SLC17A6: variants seen among roughly 807,000 people sequenced by gnomAD.
SLC17A6 encodes solute carrier family 17 member 6.
A neutral mutation model predicts 67.1 loss-of-function variants in SLC17A6; 35 were observed. That is an observed-to-expected ratio of 0.52 (90% CI 0.40 to 0.69). The LOEUF (loss-of-function observed/expected upper bound fraction) is 0.69, where lower values mean the gene tolerates loss of function less well. Ranked by LOEUF, SLC17A6 falls within the 30% of genes least tolerant of loss-of-function variation. The pLI is 0.00. For synonymous variants in SLC17A6, 285 were observed against 252.3 expected (o/e 1.13, Z -1.23); for missense variants, 588 against 723.9 (o/e 0.81, Z 2.15).
intron 3 of SLC17A6, among the ~76,000 whole-genome samples, chr11:22,351,332 T>A (rs1170329803): frequency 6.6e-6 from 1 of 152,084 alleles, no homozygotes; most frequent in Non-Finnish European, 1.5e-5. Context: ...AGGGTACCCA[T>A]CACCTAAATA....
rs114434838 is a variant in SLC17A6, at chr11:22,353,670, T to G, written c.459-5743T>G. On this transcript the variant is annotated intron_variant, in intron 3 of 11. Transcript: ENST00000263160. ...CAGAGAACTTCATTTTCATTTTTGA[T>G]CTAACAATCTAATATCCATTTGTGT... Among the ~76,000 whole-genome samples, 856 of 152,338 alleles carry G rather than the reference T, an allele frequency of 5.6e-3. 12 individuals are homozygous for G. Among genetic ancestry groups the G allele is most frequent in the African/African-American group, 0.02 (822 of 41,586 alleles).
intron 7 of SLC17A6, among the ~76,000 whole-genome samples, 193 bp from the exon 8 acceptor site, chr11:22,369,842 CTTAT>C (rs1047085925): frequency 6.6e-6 from 1 of 151,922 alleles, no homozygotes; most frequent in African/African-American, 2.4e-5. Flanking sequence ...TGATTGAGAT[CTTAT>C]TTTTTTTCTC....
intron 8 of SLC17A6, among the ~76,000 whole-genome samples, chr11:22,371,374 T>C (rs1856173118): frequency 6.6e-6 from 1 of 152,074 alleles, no homozygotes; most frequent in Non-Finnish European, 1.5e-5. Context: ...GTAGCTATTC[T>C]AAGAGCTCTT....
intron 3 of SLC17A6, among the ~76,000 whole-genome samples, chr11:22,356,693 A>G (rs1271634993): frequency 6.6e-6 from 1 of 152,160 alleles, no homozygotes; most frequent in Non-Finnish European, 1.5e-5. Flanking sequence ...AAAATTAGCC[A>G]GGCATGTTGG....
At chr11:22,357,042 T>C (rs1855999277) in intron 3 of SLC17A6, among the ~76,000 whole-genome samples, 1 of 152,238 alleles carries the variant, frequency 6.6e-6, no homozygotes, top group South Asian at 2.1e-4. Flanking sequence ...ACTAACTACC[T>C]AGTATATGCA....
chr11:22,371,326 A>G (rs1170488724), intron 8 of SLC17A6, among the ~76,000 whole-genome samples: 5 of 152,028 alleles, frequency 3.3e-5, no homozygotes, highest in African/African-American at 1.2e-4. Context: ...TTGAAAGACT[A>G]TCTGAGACCT....
Position 22,341,558 on chromosome 11 carries a change from G to C in SLC17A6, c.117G>C (p.Glu39Asp), listed in dbSNP as rs776645903. ...TGGAGAAGAAGCAAGACACCGGGGAGACAATCGAGCTGACGGAGGATGGGA... is the reference window on the plus strand; with the variant it reads ...TGGAGAAGAAGCAAGACACCGGGGACACAATCGAGCTGACGGAGGATGGGA... The part of the protein sequence containing the change: ...RVLEKKQDTG[E>D]TIELTEDGKP... The change falls in exon 2 of 12, where the codon GAG (glutamate) becomes GAC (aspartate). Residue 39 changes from glutamate to aspartate, a missense_variant. Physicochemically the swap from Glu to Asp is conservative, Grantham distance 45. Coordinates refer to ENST00000263160, the MANE Select transcript of SLC17A6 (RefSeq NM_020346.3). 1.6e-5 allele frequency: 26 copies of C among 1,613,864 alleles called. No individual in the cohort carries two copies. In the South Asian group the frequency reaches 2.2e-4, roughly 14 times the overall value.
In SLC17A6 at chr11:22,341,712, C is replaced by T; in HGVS notation, c.271C>T (p.Leu91=). 6.2e-7 allele frequency: 1 copy of T among 1,614,254 alleles called. No homozygotes were observed. Among genetic ancestry groups the T allele is most frequent in the Non-Finnish European group, 8.5e-7 (1 of 1,180,050 alleles). The change falls in exon 2 of 12, where the codon CTG becomes TTG. Residue 91 remains leucine (L), a synonymous_variant. Transcript: ENST00000263160. Reference sequence around the variant, plus strand: ...CATCTCCTTCGGTATCCGCTGCAACCTGGGCGTGGCCATTGTGGACATGGT... The same window carrying T: ...CATCTCCTTCGGTATCCGCTGCAACTTGGGCGTGGCCATTGTGGACATGGT... ...FCISFGIRCN[L]GVAIVDMVNN...
chr11:22,344,276 C>T (rs1409162580), intron 3 of SLC17A6, among the ~76,000 whole-genome samples: 1 of 152,186 alleles, frequency 6.6e-6, no homozygotes, highest in Non-Finnish European at 1.5e-5. Context: ...CATTCCTCTT[C>T]CTACACCCAA....
At chr11:22,362,932 A>T in intron 6 of SLC17A6, 107 bp downstream of exon 6, 1 of 780,488 alleles carries the variant, frequency 1.3e-6, no homozygotes, top group Non-Finnish European at 2.2e-6. Flanking sequence ...ATGTTTACTT[A>T]CTTATTTTCT....
intron 3 of SLC17A6, among the ~76,000 whole-genome samples, chr11:22,347,354 C>A (rs117952113): frequency 6.6e-6 from 1 of 151,958 alleles, no homozygotes; most frequent in Non-Finnish European, 1.5e-5. Context: ...CCCCTTTACA[C>A]CTTAGTTTGT....
rs1409446098 is a variant in SLC17A6, at chr11:22,377,513, C to T, written c.1522C>T (p.Pro508Ser). 4 of 1,613,918 alleles carry T rather than the reference C, an allele frequency of 2.5e-6. No individual in the cohort carries two copies. The highest frequency in any genetic ancestry group is 3.4e-6 in the Non-Finnish European group (4 of 1,179,968). ...ASGEKQPWAD[P>S]EETSEEKCGF... Reference sequence around the variant, plus strand: ...AGGAGAGAAACAACCCTGGGCAGACCCGGAGGAAACAAGTGAAGAAAAATG... The same window carrying T: ...AGGAGAGAAACAACCCTGGGCAGACTCGGAGGAAACAAGTGAAGAAAAATG... Residue 508 changes from proline to serine, a missense_variant, in exon 12 of 12, where the codon CCG becomes TCG. Around this residue, in one of 4 missense-constraint regions of SLC17A6, gnomAD observed 414 missense variants for 563.4 expected, o/e 0.73. Transcript: ENST00000263160.
chr11:22,371,158 C>T (rs549988785), intron 8 of SLC17A6, among the ~76,000 whole-genome samples: 1 of 152,188 alleles, frequency 6.6e-6, no homozygotes, highest in Admixed American at 6.5e-5. Flanking sequence ...AATCATATAT[C>T]CATTCAAGTA....
In SLC17A6 at chr11:22,376,004, G is replaced by A. The variant is rs143233199; in HGVS notation, c.1197G>A (p.Leu399=). The A allele has an allele frequency of 1.4e-3, 2,194 of 1,609,032 alleles. 36 individuals carry two copies. The African/African-American group carries it at 0.026, about 19-fold the overall frequency. ...NCGGFGMEAT[L]LLVVGYSHTR... ...AAGGTTTTGGCATGGAAGCCACACTGCTCCTGGTCGTTGGCTATTCTCATA... is the reference window on the plus strand; with the variant it reads ...AAGGTTTTGGCATGGAAGCCACACTACTCCTGGTCGTTGGCTATTCTCATA... The change falls in exon 10 of 12, where the codon CTG becomes CTA. Residue 399 remains leucine, a synonymous_variant. Transcript: ENST00000263160.
intron 8 of SLC17A6, among the ~76,000 whole-genome samples, chr11:22,372,817 A>C (rs540781223): frequency 4.6e-5 from 7 of 152,300 alleles, no homozygotes; most frequent in Admixed American, 1.3e-4. Context: ...AATGATCTTT[A>C]GGAAGGTTTT....
At chr11:22,366,519 G>A (rs1024049595) in intron 7 of SLC17A6, among the ~76,000 whole-genome samples, 1 of 152,010 alleles carries the variant, frequency 6.6e-6, no homozygotes, top group African/African-American at 2.4e-5. Flanking sequence ...TTATTACTAT[G>A]AATATCAAGC....
intron 5 of SLC17A6, 111 bp downstream of exon 5, chr11:22,361,095 A>G (rs1856047340): frequency 1.3e-6 from 1 of 755,402 alleles, no homozygotes; most frequent in South Asian, 2.0e-5. Context: ...TTTTGTATGA[A>G]CATCTGTGAG....
At chr11:22,343,722 C>T (rs368896062) in intron 3 of SLC17A6, among the ~76,000 whole-genome samples, 1 of 152,084 alleles carries the variant, frequency 6.6e-6, no homozygotes, top group Non-Finnish European at 1.5e-5. Flanking sequence ...GGGTGTAGAA[C>T]GGCAGATGCT....
intron 8 of SLC17A6, among the ~76,000 whole-genome samples, chr11:22,370,614 G>T (rs1034685457): frequency 3.9e-5 from 6 of 152,090 alleles, no homozygotes; most frequent in Middle Eastern, 3.2e-3. Flanking sequence ...CTCTTGTCCA[G>T]CTACAAGATA....
Sources: allele counts gnomAD v4.1 joint callset (sites outside exome capture counted in the v4.1 genomes callset), GRCh38; gene constraint gnomAD v4.1.1; regional missense constraint gnomAD v4.1.1; transcripts MANE v1.5; gene names NCBI Gene and HGNC (gene_info 2026-07-23, HGNC 2026-07-21).